Variants in KIF14 observed in about 807,000 individuals in gnomAD.
KIF14 encodes the protein kinesin family member 14, also known as kinesin-like protein KIF14.
Under a neutral mutation model 176.2 loss-of-function variants are expected in KIF14, and 98 were observed. The ratio of observed to expected loss-of-function variants is 0.56; its 90% CI spans 0.47 to 0.66. KIF14 has a LOEUF of 0.66. Ranked by LOEUF, KIF14 falls within the 30% of genes least tolerant of loss-of-function variation. The pLI is 0.00. For missense variants in KIF14, 1,751 were observed against 1,920.4 expected, an observed-to-expected ratio of 0.91 and a Z score of 1.65; for synonymous variants, 566 against 632.2, an observed-to-expected ratio of 0.90 and a Z score of 1.57.
chr1:200,583,220 G>GTT (rs201280893), intron 19 of KIF14, among the ~76,000 whole-genome samples: 3 of 150,624 alleles, frequency 2.0e-5, no homozygotes, highest in African/African-American at 7.3e-5. Flanking sequence ...AACAAATCAA[G>GTT]TTTTTTTTTT....
intron 21 of KIF14, among the ~76,000 whole-genome samples, chr1:200,577,438 G>A (rs114874401): frequency 0.022 from 3,386 of 152,148 alleles, 135 homozygotes; most frequent in African/African-American, 0.077. Flanking sequence ...GATTAAAAGC[G>A]TGAGCCACCG....
At position 200,557,129 on chromosome 1, in the gene KIF14, G is replaced by C. The variant is rs193075637; in HGVS notation, c.4354-1675C>G. 2.4e-4 allele frequency among the ~76,000 whole-genome samples: 36 copies of C among 152,252 alleles called. No individual in the cohort carries two copies. In the East Asian group the frequency reaches 6.8e-3, roughly 29 times the overall value. On this transcript the variant is annotated intron_variant, in intron 27 of 29. Coordinates refer to ENST00000367350, the MANE Select transcript of KIF14 (RefSeq NM_014875.3). ...AGCGATTCTCCTGCCTCAGCCTCCT[G>C]AGTAGCTGGGACTACAGATGTGCAC...
rs202142172 is a variant in KIF14 at position 200,589,383 on chromosome 1, T to C, written c.2962-14A>G. 1,611 of 1,578,252 alleles carry C rather than the reference T, an allele frequency of 1.0e-3. 1 individual carries two copies. Among genetic ancestry groups the C allele is most frequent in the Non-Finnish European group, 1.2e-3 (1,443 of 1,162,632 alleles). On this transcript the variant is annotated splice_polypyrimidine_tract_variant and intron_variant, in intron 17 of 29. Transcript: ENST00000367350. The stretch of plus-strand genomic sequence containing the variant: ...AGACTCTTCTCTCTTTAAAGAACAA[T>C]AATAAAAAATATCTCAGGCAAAAAC...
chr1:200,594,368 C>CAAAAAAAAAAA (rs371729211), intron 14 of KIF14, among the ~76,000 whole-genome samples: 31 of 92,472 alleles, frequency 3.4e-4, no homozygotes, highest in African/African-American at 6.8e-4. Flanking sequence ...CCCAAAAATT[C>CAAAAAAAAAAA]AAAAAAAAAA....
chr1:200,575,753 G>GAA, intron 21 of KIF14, 62 bp from the exon 22 acceptor site: 1 of 850,742 alleles, frequency 1.2e-6, no homozygotes, highest in Non-Finnish European at 1.8e-6. Flanking sequence ...TAGCAACTAA[G>GAA]AAAAAAAAGA....
At chr1:200,597,783 T>G (rs180907248) in intron 14 of KIF14, among the ~76,000 whole-genome samples, 30 of 152,236 alleles carry the variant, frequency 2.0e-4, no homozygotes, top group African/African-American at 6.3e-4. Flanking sequence ...CAGGAACCAA[T>G]GTACACAAAT....
Position 200,600,379 on chromosome 1 carries a change from C to G in KIF14, c.2277G>C (p.Glu759Asp). 6.2e-7 allele frequency: 1 copy of G among 1,613,902 alleles called. No individual in the cohort carries two copies. Among genetic ancestry groups the G allele is most frequent in the Non-Finnish European group, 8.5e-7 (1 of 1,179,852 alleles). The part of the protein sequence containing the change: ...TSLRMKLHQQ[E>D]RDMAEMQRVW... Reference sequence around the variant, plus strand: ...ACCTTTGCATTTCTGCCATGTCTCTCTCCTGTTGATGCAGTTTCATTCTTA... The same window carrying G: ...ACCTTTGCATTTCTGCCATGTCTCTGTCCTGTTGATGCAGTTTCATTCTTA... Residue 759 changes from glutamate to aspartate, a missense_variant, in exon 12 of 30, where the codon GAG (glutamate) becomes GAC (aspartate). Coordinates refer to ENST00000367350, the MANE Select transcript of KIF14 (RefSeq NM_014875.3).
intron 21 of KIF14, among the ~76,000 whole-genome samples, chr1:200,576,247 G>A (rs952048918): frequency 6.6e-6 from 1 of 152,084 alleles, no homozygotes; most frequent in Non-Finnish European, 1.5e-5. Context: ...GGGAGGCCGA[G>A]GCGGGCGGAT....
chr1:200,580,125 T>C (rs1332034203), intron 21 of KIF14, 129 bp downstream of exon 21: 4 of 421,404 alleles, frequency 9.5e-6, no homozygotes, highest in Non-Finnish European at 1.6e-5. Flanking sequence ...TTGCCTTTTA[T>C]TTTCCAAATT....
At position 200,617,991 on chromosome 1, in the gene KIF14, C is replaced by T. The variant is rs1413860179; in HGVS notation, c.733G>A (p.Asp245Asn). The change falls in exon 2 of 30, where the codon GAT becomes AAT. Residue 245 changes from aspartate (D) to asparagine (N), a missense_variant. By Grantham distance (23) the Asp-to-Asn change is conservative. Transcript: ENST00000367350. The part of the protein sequence containing the change: ...LTTKPTQSKL[D>N]IKVLGTGNLY... ...TTTCCTGTTCCCAACACTTTGATAT[C>T]CAACTTGCTCTGAGTAGGTTTCGTT... 6.2e-7 allele frequency: 1 copy of T among 1,614,114 alleles called. No individual in the cohort carries two copies. Among genetic ancestry groups the T allele is most frequent in the South Asian group, 1.1e-5 (1 of 91,066 alleles).
chr1:200,597,056 G>A lies in KIF14; in HGVS notation c.2549+1181C>T, dbSNP rs1025322242. ...TGGGATTACAGGCAGGTACCACCAC[G>A]CCCAGAAAATTTTTTGTATTTTTAG... On this transcript the variant is annotated intron_variant, in intron 14 of 29. Transcript: ENST00000367350. Among the ~76,000 whole-genome samples, 39 of 151,370 alleles carry A rather than the reference G, an allele frequency of 2.6e-4. 1 individual carries two copies. The highest frequency in any genetic ancestry group is 2.9e-4 in the Non-Finnish European group (20 of 67,880).
intron 2 of KIF14, 85 bp from the exon 3 acceptor site, chr1:200,615,694 C>T: frequency 8.8e-7 from 1 of 1,134,740 alleles, no homozygotes; most frequent in East Asian, 2.4e-5. Flanking sequence ...TACCTCAAAA[C>T]TATTTAAACA....
At chr1:200,576,087 TAAC>T (rs1258077903) in intron 21 of KIF14, among the ~76,000 whole-genome samples, 3 of 152,214 alleles carry the variant, frequency 2.0e-5, no homozygotes, top group African/African-American at 7.2e-5. Flanking sequence ...TTTAACGTAA[TAAC>T]AATTACAGTT....
intron 3 of KIF14, among the ~76,000 whole-genome samples, chr1:200,614,738 G>A (rs1294382471): frequency 7.5e-6 from 1 of 134,002 alleles, no homozygotes; most frequent in Non-Finnish European, 1.5e-5. Context: ...ACCCCTCCAC[G>A]CTGTGGACTG....
intron 12 of KIF14, 108 bp from the exon 13 acceptor site, chr1:200,600,221 A>C: frequency 8.3e-7 from 1 of 1,200,054 alleles, no homozygotes; most frequent in Non-Finnish European, 1.2e-6. Flanking sequence ...AATATTTAAA[A>C]TATGATAATC....
chr1:200,619,572 C>G (rs1418384852), intron 1 of KIF14, among the ~76,000 whole-genome samples: 1 of 152,190 alleles, frequency 6.6e-6, no homozygotes, highest in East Asian at 1.9e-4. Flanking sequence ...AGGATGGTCT[C>G]GATATCTTGA....
At chr1:200,567,462 G>A (rs1168701808) in intron 23 of KIF14, among the ~76,000 whole-genome samples, 7 of 150,606 alleles carry the variant, frequency 4.6e-5, no homozygotes, top group Non-Finnish European at 8.8e-5. Context: ...GGAGAATGGC[G>A]TGAACCCGGG....
At chr1:200,598,212 CT>C (rs759440872) in intron 14 of KIF14, 24 bp downstream of exon 14, 186 of 1,553,602 alleles carry the variant, frequency 1.2e-4, no homozygotes, top group Admixed American at 3.4e-4. Context: ...GGTGCCTTTT[CT>C]TTTTTTTTAG....
At position 200,605,854 on chromosome 1, in the gene KIF14, T is replaced by C; in HGVS notation, c.1638+10A>G. On this transcript the variant is annotated intron_variant, in intron 7 of 29. Coordinates refer to ENST00000367350, the MANE Select transcript of KIF14 (RefSeq NM_014875.3). ...TCTATCTAGTGAAAAGAAAACAAAA[T>C]CAATCTTACCTGGATATCAGCGTAA... is the stretch of plus-strand genomic sequence containing the variant. 6.7e-7 allele frequency: 1 copy of C among 1,500,420 alleles called. No individual in the cohort carries two copies. Among genetic ancestry groups the C allele is most frequent in the Non-Finnish European group, 9.0e-7 (1 of 1,114,632 alleles). 92.9% of individuals were successfully genotyped at this position (1,500,420 alleles called of 1,614,324 possible). A position where few individuals can be genotyped will look rare whatever the true frequency, so the allele number is the denominator to read the frequency against.
Sources: allele counts gnomAD v4.1 joint callset (sites outside exome capture counted in the v4.1 genomes callset), GRCh38; gene constraint gnomAD v4.1.1; transcripts MANE v1.5; gene names NCBI Gene and HGNC (gene_info 2026-07-23, HGNC 2026-07-21).